The following GULP1 variants were observed in gnomAD, a reference collection of about 807,000 sequenced individuals.
The protein encoded by GULP1 is PTB domain-containing engulfment adapter protein 1.
In GULP1, 19 loss-of-function variants were observed where a neutral mutation model predicts 40.9. The observed-to-expected ratio is 0.46, with a 90% CI of 0.32 to 0.68. The LOEUF is 0.68. Ranked by LOEUF, GULP1 falls within the 30% of genes least tolerant of loss-of-function variation. The pLI is 0.03. For synonymous variants in GULP1, 119 were observed against 117.6 expected, an observed-to-expected ratio of 1.01 and a Z score of -0.08; for missense variants, 312 against 362.2, an observed-to-expected ratio of 0.86 and a Z score of 1.12.
chr2:188,347,041 G>A lies in GULP1; in HGVS notation c.-171-36722G>A, dbSNP rs374825961. Among the ~76,000 whole-genome samples, 168 of 152,090 alleles carry A rather than the reference G, an allele frequency of 1.1e-3. 1 individual carries two copies. Among genetic ancestry groups the A allele is most frequent in the African/African-American group, 3.9e-3 (162 of 41,516 alleles). The stretch of plus-strand genomic sequence containing the variant: ...TACAGCTGATAAAGCACTGCAATAA[G>A]CATTATTGCTCTCGATTCACAACAT... On this transcript the variant is annotated intron_variant, in intron 1 of 11. Coordinates refer to ENST00000409830, the MANE Select transcript of GULP1 (RefSeq NM_016315.4).
chr2:188,479,680 A>G (rs1312617011), intron 3 of GULP1, among the ~76,000 whole-genome samples: 1 of 152,068 alleles, frequency 6.6e-6, no homozygotes, highest in Admixed American at 6.6e-5. Context: ...CTTTTTATAT[A>G]TATATGCTTA....
intron 9 of GULP1, among the ~76,000 whole-genome samples, chr2:188,571,772 A>T (rs1171679281): frequency 2.0e-5 from 3 of 152,228 alleles, no homozygotes. Flanking sequence ...GGAGAATAAG[A>T]ATAAATGTAC....
intron 1 of GULP1, among the ~76,000 whole-genome samples, chr2:188,350,316 C>T (rs1285003119): frequency 6.6e-6 from 1 of 152,060 alleles, no homozygotes; most frequent in African/African-American, 2.4e-5. Flanking sequence ...AATATTAAGT[C>T]TACAGTGTAT....
At chr2:188,352,618 T>TCCCACACACCCACACACACACA (rs578003996) in intron 1 of GULP1, among the ~76,000 whole-genome samples, 1 of 134,406 alleles carries the variant, frequency 7.4e-6, no homozygotes, top group African/African-American at 2.9e-5. Flanking sequence ...TCTCTCTCTC[T>TCCCACACACCCACACACACACA]CACACACACA....
chr2:188,403,831 TA>T, intron 2 of GULP1, among the ~76,000 whole-genome samples: 1 of 152,294 alleles, frequency 6.6e-6, no homozygotes, highest in South Asian at 2.1e-4. Flanking sequence ...AGCAATCAAG[TA>T]TTCAAACCTG....
rs138227970 is a variant in GULP1, at chr2:188,470,755, T to C, written c.-44-6904T>C. Among the ~76,000 whole-genome samples, 1,037 of 152,306 alleles carry C rather than the reference T, an allele frequency of 6.8e-3. 8 individuals are homozygous for C. The highest frequency in any genetic ancestry group is 0.011 in the Non-Finnish European group (762 of 68,002). On this transcript the variant is annotated intron_variant, in intron 2 of 11. Transcript: ENST00000409830. ...TTCTTGTTATTGATTTCTAGTTTTA[T>C]TCAGTTTTGGTCAGAGAAGATGCTA...
chr2:188,408,563 A>T (rs938682348), intron 2 of GULP1, among the ~76,000 whole-genome samples: 1 of 152,202 alleles, frequency 6.6e-6, no homozygotes, highest in African/African-American at 2.4e-5. Flanking sequence ...CTGTAGTACA[A>T]TAATATTAGG....
intron 2 of GULP1, among the ~76,000 whole-genome samples, chr2:188,425,197 A>G (rs369131463): frequency 2.5e-4 from 38 of 152,206 alleles, no homozygotes; most frequent in African/African-American, 7.7e-4. Context: ...AAGTCAAGAT[A>G]ATTAGATGAT....
intron 1 of GULP1, among the ~76,000 whole-genome samples, chr2:188,311,563 C>T (rs1444542987): frequency 6.6e-6 from 1 of 151,818 alleles, no homozygotes; most frequent in Non-Finnish European, 1.5e-5. Flanking sequence ...TTGAATTTGA[C>T]CAGTCATTTA....
chr2:188,568,122 A>G (rs544553603), intron 7 of GULP1, among the ~76,000 whole-genome samples: 3 of 152,028 alleles, frequency 2.0e-5, no homozygotes, highest in African/African-American at 4.8e-5. Context: ...TTTGTCTAAA[A>G]CCCTCCTTAA....
At chr2:188,478,311 G>T (rs1024422513) in intron 3 of GULP1, among the ~76,000 whole-genome samples, 3 of 152,038 alleles carry the variant, frequency 2.0e-5, no homozygotes, top group African/African-American at 7.2e-5. Context: ...TTAATGGGCA[G>T]AAAAACATGG....
chr2:188,506,440 GA>G (rs1243489540), intron 4 of GULP1, among the ~76,000 whole-genome samples: 1 of 151,862 alleles, frequency 6.6e-6, no homozygotes, highest in Admixed American at 6.6e-5. Flanking sequence ...TAATTTTAGA[GA>G]TACTCTTTGG....
At chr2:188,451,442 C>T (rs2058826496) in intron 2 of GULP1, among the ~76,000 whole-genome samples, 1 of 152,146 alleles carries the variant, frequency 6.6e-6, no homozygotes, top group Non-Finnish European at 1.5e-5. Flanking sequence ...TTTTATTTTA[C>T]ATCTACCAAG....
chr2:188,538,601 A>T (rs1228377701), intron 6 of GULP1, among the ~76,000 whole-genome samples: 2 of 151,840 alleles, frequency 1.3e-5, no homozygotes, highest in Non-Finnish European at 2.9e-5. Flanking sequence ...TAGGAAATCT[A>T]AAAAAGGGAT....
At chr2:188,544,738 C>T (rs1039720022) in intron 7 of GULP1, among the ~76,000 whole-genome samples, 4 of 151,850 alleles carry the variant, frequency 2.6e-5, no homozygotes, top group Non-Finnish European at 5.9e-5. Flanking sequence ...ACCTCATGGA[C>T]TGTGGGACCG....
At chr2:188,423,327 G>T (rs962725024) in intron 2 of GULP1, among the ~76,000 whole-genome samples, 10 of 151,840 alleles carry the variant, frequency 6.6e-5, no homozygotes, top group African/African-American at 2.4e-4. Context: ...CCACTTTATG[G>T]TACTAATGGA....
chr2:188,404,208 A>G (rs530092110), intron 2 of GULP1, among the ~76,000 whole-genome samples: 1 of 152,300 alleles, frequency 6.6e-6, no homozygotes, highest in East Asian at 1.9e-4. Flanking sequence ...ATAAATTCAT[A>G]ATTATAAAGA....
chr2:188,561,957 T>C (rs543123458), intron 7 of GULP1, among the ~76,000 whole-genome samples: 51 of 152,302 alleles, frequency 3.3e-4, no homozygotes, highest in African/African-American at 1.2e-3. Flanking sequence ...GTGGCACTTG[T>C]ATTCTACCCG....
At chr2:188,306,693 T>C (rs1189638296) in intron 1 of GULP1, among the ~76,000 whole-genome samples, 2 of 152,222 alleles carry the variant, frequency 1.3e-5, no homozygotes, top group African/African-American at 4.8e-5. Context: ...GGGAGTCATC[T>C]GGTCAGACTT....
Sources: gnomAD v4.1 joint callset for allele counts (sites outside exome capture counted in the v4.1 genomes callset) on GRCh38, gnomAD v4.1.1 for gene constraint, MANE v1.5 for transcripts, NCBI Gene and HGNC (gene_info 2026-07-23, HGNC 2026-07-21) for gene names.